Variants in CLEC3B observed in about 807,000 individuals in gnomAD.
CLEC3B encodes C-type lectin domain family 3 member B, also known as tetranectin.
Under a neutral mutation model 15.4 loss-of-function variants are expected in CLEC3B, and 13 were observed. The observed-to-expected ratio is 0.84, with a 90% CI of 0.55 to 1.34. The LOEUF is 1.34. Among genes scored for constraint, CLEC3B ranks in the 40% most tolerant of loss-of-function variants. CLEC3B has a pLI of 0.00. For synonymous variants in CLEC3B, 112 were observed against 114.7 expected (o/e 0.98, Z 0.15); for missense variants, 242 against 268.6 (o/e 0.90, Z 0.69).
intron 1 of CLEC3B, among the ~76,000 whole-genome samples, chr3:45,027,995 C>G (rs1697506143): frequency 6.7e-6 from 1 of 148,186 alleles, no homozygotes; most frequent in African/African-American, 2.5e-5. Context: ...CACACTTGAA[C>G]CCTGGCCCTA....
Position 45,035,599 on chromosome 3 carries a change from G to A in CLEC3B, c.284G>A (p.Ser95Asn). 1 of 1,614,144 alleles carries A rather than the reference G, an allele frequency of 6.2e-7. No individual in the cohort carries two copies. Among genetic ancestry groups the A allele is most frequent in the African/African-American group, 1.3e-5 (1 of 75,062 alleles). ...CAGACGAAGACCTTCCACGAGGCCA[G>A]CGAGGACTGCATCTCGCGCGGGGGC... ...FTQTKTFHEASEDCISRGGTL... is the reference protein window; with the variant it reads ...FTQTKTFHEANEDCISRGGTL... The change falls in exon 3 of 3, where the codon AGC becomes AAC. Residue 95 changes from serine to asparagine, a missense_variant. Coordinates refer to ENST00000296130, the MANE Select transcript of CLEC3B (RefSeq NM_003278.3).
At chr3:45,034,974 G>C (rs1576046973) in intron 2 of CLEC3B, among the ~76,000 whole-genome samples, 1 of 152,228 alleles carries the variant, frequency 6.6e-6, no homozygotes, top group East Asian at 1.9e-4. Context: ...GGCCCTGCAA[G>C]CTGCTTGATC....
intron 2 of CLEC3B, among the ~76,000 whole-genome samples, chr3:45,034,315 A>G (rs1027088615): frequency 6.6e-6 from 1 of 152,148 alleles, no homozygotes; most frequent in Admixed American, 6.5e-5. Flanking sequence ...CTGTGGGTAG[A>G]CACCTCTGTA....
intron 1 of CLEC3B, among the ~76,000 whole-genome samples, 200 bp from the exon 2 acceptor site, chr3:45,030,627 A>C (rs28680994): frequency 6.6e-6 from 1 of 152,242 alleles, no homozygotes; most frequent in Non-Finnish European, 1.5e-5. Flanking sequence ...CAAATGCAGC[A>C]CAGGAGCAAG....
intron 2 of CLEC3B, among the ~76,000 whole-genome samples, 187 bp downstream of exon 2, chr3:45,031,112 GTC>G (rs556563926): frequency 1.2e-3 from 178 of 152,364 alleles, no homozygotes; most frequent in Admixed American, 2.3e-3. Context: ...CCTGACACGT[GTC>G]TGCAAAACTC....
chr3:45,027,483 A>G (rs1275631023), intron 1 of CLEC3B, among the ~76,000 whole-genome samples: 4 of 152,270 alleles, frequency 2.6e-5, no homozygotes, highest in Non-Finnish European at 5.9e-5. Flanking sequence ...ACAAAGTGAA[A>G]AAAGAAACAT....
intron 1 of CLEC3B, among the ~76,000 whole-genome samples, chr3:45,028,852 C>T (rs1331893326): frequency 6.6e-6 from 1 of 152,172 alleles, no homozygotes; most frequent in Non-Finnish European, 1.5e-5. Flanking sequence ...GAAGGGAATG[C>T]CAGCATATGC....
Position 45,035,938 on chromosome 3 carries a change from G to A in CLEC3B, c.*14G>A. On this transcript the variant is annotated 3_prime_UTR_variant, in exon 3 of 3. Coordinates refer to ENST00000296130, the MANE Select transcript of CLEC3B (RefSeq NM_003278.3). The stretch of plus-strand genomic sequence containing the variant: ...GGGATCGTGTAGCCGGCGGGGCGGG[G>A]GCCGTGGGGGGCCTGGAGGAGGGCA... The A allele has an allele frequency of 6.4e-7, 1 of 1,566,152 alleles. No homozygotes were observed. The highest frequency in any genetic ancestry group is 1.3e-5 in the African/African-American group (1 of 74,416).
chr3:45,030,787 C>A, intron 1 of CLEC3B, 40 bp from the exon 2 acceptor site: 2 of 1,411,278 alleles, frequency 1.4e-6, no homozygotes, highest in South Asian at 1.2e-5. Context: ...CCTTCCTGCT[C>A]AGTCCCTGCC....
intron 1 of CLEC3B, among the ~76,000 whole-genome samples, chr3:45,027,287 AAAG>A (rs1358459173): frequency 3.9e-5 from 6 of 152,206 alleles, no homozygotes; most frequent in Non-Finnish European, 7.3e-5. Flanking sequence ...ACAGAAAAGG[AAAG>A]AAGGGGCTGT....
At chr3:45,030,405 GCTGGAGTGCCTGCTGGT>G (rs1258396293) in intron 1 of CLEC3B, among the ~76,000 whole-genome samples, 1 of 152,210 alleles carries the variant, frequency 6.6e-6, no homozygotes, top group Non-Finnish European at 1.5e-5. Context: ...CGTGCCCCAG[GCTGGAGTGCCTGCTGGT>G]CTGTGTCGCA....
intron 1 of CLEC3B, 24 bp from the exon 2 acceptor site, chr3:45,030,803 C>T: frequency 6.5e-7 from 1 of 1,539,432 alleles, no homozygotes; most frequent in Non-Finnish European, 8.8e-7. Context: ...CTGCCCCACC[C>T]TGACATATTT....
At chr3:45,035,019 A>C (rs1048590658) in intron 2 of CLEC3B, among the ~76,000 whole-genome samples, 2 of 152,236 alleles carry the variant, frequency 1.3e-5, no homozygotes, top group Non-Finnish European at 2.9e-5. Flanking sequence ...GAACCAGAGC[A>C]GGTGGCTGTG....
chr3:45,030,932 G>A lies in CLEC3B; in HGVS notation c.208+7G>A. On this transcript the variant is annotated splice_region_variant and intron_variant, in intron 2 of 2. Coordinates refer to ENST00000296130, the MANE Select transcript of CLEC3B (RefSeq NM_003278.3). ...CAGCAGGCCCTGCAGACGGGTGAGT[G>A]CAGGCAGTAGCCTCTCTGGGCAGGA... 6.4e-7 allele frequency: 1 copy of A among 1,554,870 alleles called. No homozygotes were observed.
At chr3:45,032,256 A>C (rs1697569361) in intron 2 of CLEC3B, among the ~76,000 whole-genome samples, 2 of 149,984 alleles carry the variant, frequency 1.3e-5, no homozygotes, top group African/African-American at 4.9e-5. Context: ...GGTTTTACAC[A>C]CTCCCTCCCA....
intron 2 of CLEC3B, among the ~76,000 whole-genome samples, chr3:45,033,208 A>C (rs906224388): frequency 6.6e-6 from 1 of 152,112 alleles, no homozygotes; most frequent in African/African-American, 2.4e-5. Flanking sequence ...GTGCTGTGCA[A>C]AGTCAATGTA....
chr3:45,030,188 C>T, intron 1 of CLEC3B: 1 of 985,906 alleles, frequency 1.0e-6, no homozygotes, highest in Non-Finnish European at 1.2e-6. Context: ...TTCCTTCTGC[C>T]CTCATCTTAT....
At chr3:45,028,610 C>T (rs908848798) in intron 1 of CLEC3B, among the ~76,000 whole-genome samples, 3 of 152,000 alleles carry the variant, frequency 2.0e-5, no homozygotes, top group African/African-American at 7.2e-5. Context: ...GTGCTTGGGC[C>T]CCACCCCTGG....
Position 45,035,858 on chromosome 3 carries a change from C to T in CLEC3B, c.543C>T (p.Asn181=). ...ENCAVLSGAA[N]GKWFDKRCRD... ...GCGCGGTCCTGTCAGGCGCGGCCAA[C>T]GGCAAGTGGTTCGACAAGCGCTGCC... Residue 181 remains asparagine (N), a synonymous_variant, in exon 3 of 3, where the codon AAC becomes AAT. Coordinates refer to ENST00000296130, the MANE Select transcript of CLEC3B (RefSeq NM_003278.3). 6.2e-7 allele frequency: 1 copy of T among 1,612,442 alleles called. No homozygotes were observed. Among genetic ancestry groups the T allele is most frequent in the Non-Finnish European group, 8.5e-7 (1 of 1,179,758 alleles).
Sources: gnomAD v4.1 joint callset for allele counts (sites outside exome capture counted in the v4.1 genomes callset) on GRCh38, gnomAD v4.1.1 for gene constraint, MANE v1.5 for transcripts, NCBI Gene and HGNC (gene_info 2026-07-23, HGNC 2026-07-21) for gene names.